STK39: variants seen among roughly 807,000 people sequenced by gnomAD.
STK39 encodes the protein STE20/SPS1-related proline-alanine-rich protein kinase.
STK39 carries 20 observed loss-of-function variants against 77.8 expected under a neutral mutation model. That is an observed-to-expected ratio of 0.26 (90% CI 0.18 to 0.37). The LOEUF (loss-of-function observed/expected upper bound fraction) is 0.37. Among genes scored for constraint, STK39 ranks in the 10% least tolerant of loss-of-function variants. The probability of loss-of-function intolerance (pLI) is 1.00; values close to 1 mark genes in which losing one functional copy is unlikely to be tolerated. For missense variants in STK39, 479 were observed against 656.5 expected, an observed-to-expected ratio of 0.73 and a Z score of 2.95; for synonymous variants, 246 against 234.1, an observed-to-expected ratio of 1.05 and a Z score of -0.47.
chr2:168,112,571 A>G (rs1315779248), intron 10 of STK39, among the ~76,000 whole-genome samples: 1 of 152,096 alleles, frequency 6.6e-6, no homozygotes, highest in Non-Finnish European at 1.5e-5. Flanking sequence ...AGCCATGTGG[A>G]ACTGTGAGTC....
chr2:168,011,095 C>T (rs1313011285), intron 16 of STK39, among the ~76,000 whole-genome samples: 2 of 152,266 alleles, frequency 1.3e-5, no homozygotes, highest in South Asian at 2.1e-4. Flanking sequence ...GTCAGGAGTT[C>T]GAAACCAGCC....
intron 15 of STK39, 152 bp from the exon 16 acceptor site, chr2:168,012,854 C>T: frequency 2.0e-6 from 1 of 505,360 alleles, no homozygotes; most frequent in Non-Finnish European, 3.3e-6. Context: ...TCAGAAGCAA[C>T]ATGAAATACA....
chr2:168,189,163 G>A (rs1243857767), intron 1 of STK39, among the ~76,000 whole-genome samples: 1 of 152,212 alleles, frequency 6.6e-6, no homozygotes, highest in East Asian at 1.9e-4. Context: ...TCAGTGAAAT[G>A]TACTTATGTT....
chr2:168,141,808 C>A (rs1243848387), intron 5 of STK39, among the ~76,000 whole-genome samples: 8 of 152,120 alleles, frequency 5.3e-5, no homozygotes, highest in Non-Finnish European at 7.3e-5. Context: ...ACAGCAATTA[C>A]CAAAAAACAC....
At chr2:168,236,839 T>C (rs1690624626) in intron 1 of STK39, among the ~76,000 whole-genome samples, 1 of 152,160 alleles carries the variant, frequency 6.6e-6, no homozygotes, top group South Asian at 2.1e-4. Flanking sequence ...CCATGCTGTT[T>C]TGGTTACTGT....
At position 168,232,164 on chromosome 2, in the gene STK39, G is replaced by A. The variant is rs118152952; in HGVS notation, c.208+15064C>T. 50 of 238,658 alleles carry A rather than the reference G, an allele frequency of 2.1e-4. No individual in the cohort carries two copies. The East Asian group carries it at 4.6e-3, about 22-fold the overall frequency. 14.8% of individuals were successfully genotyped at this position (238,658 alleles called of 1,614,324 possible). On this transcript the variant is annotated intron_variant, in intron 1 of 17. Transcript: ENST00000355999. ...AGGAGTCACAAATCACACACTTGCTGTCACGTTTTTCACATAGTCTTCCGA... is the reference window on the plus strand; with the variant it reads ...AGGAGTCACAAATCACACACTTGCTATCACGTTTTTCACATAGTCTTCCGA...
chr2:168,026,524 G>A (rs1185708546), intron 14 of STK39, among the ~76,000 whole-genome samples: 2 of 152,204 alleles, frequency 1.3e-5, no homozygotes, highest in African/African-American at 4.8e-5. Context: ...CCTACTATGT[G>A]TCAGGTTTGT....
At chr2:168,123,962 C>T (rs1439938510) in intron 10 of STK39, among the ~76,000 whole-genome samples, 1 of 152,034 alleles carries the variant, frequency 6.6e-6, no homozygotes, top group Non-Finnish European at 1.5e-5. Flanking sequence ...TATTCCTACC[C>T]ACTGATTCCT....
In STK39 at chr2:168,189,354, C is replaced by G. The variant is rs367583363; in HGVS notation, c.209-7264G>C. ...TTTTAAAAGAGATAGAGGAATCAAA[C>G]CAGAACAAATGTAAATAAACTCACC... On this transcript the variant is annotated intron_variant, in intron 1 of 17. Transcript: ENST00000355999. Among the ~76,000 whole-genome samples, 8 of 151,614 alleles carry G rather than the reference C, an allele frequency of 5.3e-5. No homozygotes were observed. The East Asian group carries it at 5.8e-4, about 11-fold the overall frequency.
intron 16 of STK39, among the ~76,000 whole-genome samples, chr2:167,971,574 A>T (rs1214802206): frequency 6.6e-6 from 1 of 152,230 alleles, no homozygotes; most frequent in East Asian, 1.9e-4. Flanking sequence ...TCATGCTTAC[A>T]CATTAGGTAC....
intron 5 of STK39, among the ~76,000 whole-genome samples, chr2:168,145,038 C>T (rs1425915502): frequency 6.6e-6 from 1 of 151,398 alleles, no homozygotes; most frequent in East Asian, 1.9e-4. Context: ...AAATCAAATA[C>T]TATATTGTCT....
intron 10 of STK39, among the ~76,000 whole-genome samples, chr2:168,098,412 C>T (rs1220082102): frequency 1.3e-5 from 2 of 152,190 alleles, no homozygotes; most frequent in African/African-American, 2.4e-5. Context: ...TGGCCAGCTT[C>T]TTACAGCAAC....
At chr2:168,120,042 T>G (rs1012208257) in intron 10 of STK39, among the ~76,000 whole-genome samples, 2 of 152,216 alleles carry the variant, frequency 1.3e-5, no homozygotes, top group Non-Finnish European at 2.9e-5. Context: ...TTTGTGGTTC[T>G]CAATTTTAAA....
chr2:168,116,980 G>A (rs1364913563), intron 10 of STK39, among the ~76,000 whole-genome samples: 1 of 152,222 alleles, frequency 6.6e-6, no homozygotes, highest in African/African-American at 2.4e-5. Context: ...ACAGGAAAAC[G>A]TATGTGCATC....
chr2:168,054,953 C>T (rs1416349393), intron 14 of STK39, among the ~76,000 whole-genome samples: 1 of 152,184 alleles, frequency 6.6e-6, no homozygotes, highest in African/African-American at 2.4e-5. Flanking sequence ...ATTATGGTCA[C>T]TTGTGCGGGA....
At chr2:168,154,252 G>T (rs757587513) in intron 5 of STK39, among the ~76,000 whole-genome samples, 1 of 152,216 alleles carries the variant, frequency 6.6e-6, no homozygotes, top group Non-Finnish European at 1.5e-5. Context: ...CAGTTCAGGA[G>T]CACAGGGGTC....
intron 12 of STK39, among the ~76,000 whole-genome samples, chr2:168,073,960 G>A (rs991405560): frequency 2.0e-5 from 3 of 152,104 alleles, no homozygotes; most frequent in Non-Finnish European, 2.9e-5. Flanking sequence ...TGAATTAAAT[G>A]ATAAACATAG....
In STK39 at chr2:168,163,860, T is replaced by G; in HGVS notation, c.451A>C (p.Lys151Gln). The change falls in exon 4 of 18, where the codon AAA (lysine) becomes CAA (glutamine). Residue 151 changes from lysine to glutamine, a missense_variant. By Grantham distance (53) the Lys-to-Gln change is moderately conservative. Transcript: ENST00000355999. ...TGTTCTCCTCGGTTGACAATGTATT[T>G]TATGATATCCAACATTGAACCTAAG... ...LSGGSMLDII[K>Q]YIVNRGEHKN... The G allele has an allele frequency of 6.2e-7, 1 of 1,613,950 alleles. No individual in the cohort carries two copies. The highest frequency in any genetic ancestry group is 8.5e-7 in the Non-Finnish European group (1 of 1,179,916).
At position 168,247,219 on chromosome 2, in the gene STK39, C is replaced by A; in HGVS notation, c.208+9G>T. 2 of 1,202,530 alleles carry A rather than the reference C, an allele frequency of 1.7e-6. No individual in the cohort carries two copies. The highest frequency in any genetic ancestry group is 2.1e-6 in the Non-Finnish European group (2 of 963,474). The allele number at this position is 1,202,530 out of a possible 1,614,324, so 74.5% of individuals were successfully genotyped here. ...CCTGTGCCGGCCCCGCCGCGCCCGC[C>A]GCACTGACCGATAACCTCCTGCAGC... On this transcript the variant is annotated intron_variant, in intron 1 of 17. Coordinates refer to ENST00000355999, the MANE Select transcript of STK39 (RefSeq NM_013233.3).
Sources: allele counts gnomAD v4.1 joint callset (sites outside exome capture counted in the v4.1 genomes callset), GRCh38; gene constraint gnomAD v4.1.1; transcripts MANE v1.5; gene names NCBI Gene and HGNC (gene_info 2026-07-23, HGNC 2026-07-21).